Variants in GLYR1 observed in about 807,000 individuals in gnomAD.
GLYR1 encodes cytokine-like nuclear factor N-PAC.
A neutral mutation model predicts 72.7 loss-of-function variants in GLYR1; 21 were observed. That is an observed-to-expected ratio of 0.29 (90% CI 0.20 to 0.42). GLYR1 has a LOEUF of 0.42. Among genes scored for constraint, GLYR1 ranks in the 10% least tolerant of loss-of-function variants. The pLI is 1.00. For synonymous variants in GLYR1, 392 were observed against 270.2 expected, an observed-to-expected ratio of 1.45 and a Z score of -4.42; for missense variants, 594 against 712.1, an observed-to-expected ratio of 0.83 and a Z score of 1.89.
At chr16:4,815,032 A>G (rs2083550574) in intron 10 of GLYR1, among the ~76,000 whole-genome samples, 1 of 152,026 alleles carries the variant, frequency 6.6e-6, no homozygotes, top group Admixed American at 6.6e-5. Context: ...CCTGGTGGCC[A>G]TTCGTTTTTG....
At chr16:4,833,896 G>T (rs2084953956) in intron 3 of GLYR1, among the ~76,000 whole-genome samples, 1 of 152,134 alleles carries the variant, frequency 6.6e-6, no homozygotes, top group African/African-American at 2.4e-5. Context: ...GCTTTACAAG[G>T]TATCAGTTAG....
At chr16:4,827,540 G>A (rs940789836) in intron 5 of GLYR1, among the ~76,000 whole-genome samples, 2 of 151,604 alleles carry the variant, frequency 1.3e-5, no homozygotes, top group Non-Finnish European at 1.5e-5. Context: ...GACACACCTC[G>A]TTTTATTATG....
Position 4,805,341 on chromosome 16 carries a change from G to A in GLYR1, c.1588-31C>T, listed in dbSNP as rs368001972. On this transcript the variant is annotated intron_variant, in intron 15 of 15. Coordinates refer to ENST00000321919, the MANE Select transcript of GLYR1 (RefSeq NM_032569.4). ...AAAAAAAGAGATGGCTCAGTCTCTGGCCCCAGAGCTGCCTTCAAGACCTAG... is the reference window on the plus strand; with the variant it reads ...AAAAAAAGAGATGGCTCAGTCTCTGACCCCAGAGCTGCCTTCAAGACCTAG... 3.8e-6 allele frequency: 6 copies of A among 1,589,236 alleles called. No individual in the cohort carries two copies. In the African/African-American group the frequency reaches 5.4e-5, roughly 14 times the overall value.
chr16:4,818,927 G>A (rs2083826254), intron 9 of GLYR1, among the ~76,000 whole-genome samples: 1 of 152,032 alleles, frequency 6.6e-6, no homozygotes, highest in Non-Finnish European at 1.5e-5. Flanking sequence ...AGCACTCATT[G>A]GCCAGTCTCC....
intron 3 of GLYR1, chr16:4,843,971 G>A (rs537553186): frequency 1.0e-4 from 18 of 172,094 alleles, no homozygotes; most frequent in Non-Finnish European, 1.6e-4. Flanking sequence ...ACAATTAGCC[G>A]GGTGTGGTGG....
At chr16:4,816,380 C>T (rs1016599249) in intron 10 of GLYR1, among the ~76,000 whole-genome samples, 3 of 152,018 alleles carry the variant, frequency 2.0e-5, no homozygotes, top group African/African-American at 4.8e-5. Context: ...TGGACTCAAG[C>T]AATCCTCTTC....
intron 2 of GLYR1, among the ~76,000 whole-genome samples, chr16:4,845,805 G>T (rs1042991639): frequency 1.3e-5 from 2 of 152,094 alleles, no homozygotes; most frequent in African/African-American, 2.4e-5. Flanking sequence ...AACTTAGTTG[G>T]GACAAAAATA....
chr16:4,846,040 G>A lies in GLYR1; in HGVS notation c.75+134C>T, dbSNP rs59882801. On this transcript the variant is annotated intron_variant, in intron 2 of 15. Transcript: ENST00000321919. ...CTTTTAAAAAATAACCGATACTAGG[G>A]GAAAAAAAATTCTAAGTGCCATCTG... 543 of 904,134 alleles carry A rather than the reference G, an allele frequency of 6.0e-4. 1 individual carries two copies. The African/African-American group carries it at 7.8e-3, about 13-fold the overall frequency. 56.0% of individuals were successfully genotyped at this position (904,134 alleles called of 1,614,324 possible).
chr16:4,842,243 CAA>C (rs563438281), intron 3 of GLYR1, among the ~76,000 whole-genome samples: 1 of 115,940 alleles, frequency 8.6e-6, no homozygotes, highest in Admixed American at 9.0e-5. Context: ...GACTCCGTTT[CAA>C]AAAAAAAAAA....
intron 5 of GLYR1, among the ~76,000 whole-genome samples, chr16:4,826,145 T>C (rs1465332310): frequency 3.3e-5 from 5 of 152,078 alleles, no homozygotes. Flanking sequence ...CCACTTGAGC[T>C]CAAGTGATCT....
intron 2 of GLYR1, among the ~76,000 whole-genome samples, chr16:4,845,900 G>A (rs2142064138): frequency 6.6e-6 from 1 of 152,262 alleles, no homozygotes; most frequent in South Asian, 2.1e-4. Flanking sequence ...TAAGCATAAA[G>A]CTAAATTCAG....
Position 4,845,089 on chromosome 16 carries a change from A to G in GLYR1, c.140T>C (p.Phe47Ser). 6.2e-7 allele frequency: 1 copy of G among 1,613,778 alleles called. No homozygotes were observed. The highest frequency in any genetic ancestry group is 8.5e-7 in the Non-Finnish European group (1 of 1,179,660). Residue 47 changes from phenylalanine to serine, a missense_variant, in exon 3 of 16, where the codon TTT becomes TCT. Around this residue, in one of 5 missense-constraint regions of GLYR1, gnomAD observed 62 missense variants for 82.5 expected, o/e 0.75. Transcript: ENST00000321919. ...TACTACTCACTGATCTTCTGTTCCA[A>G]AAAATTTCACAAAGAAGCATTTCTT... ...RGKKCFFVKFFGTEDHAWIKV... is the reference protein window; with the variant it reads ...RGKKCFFVKFSGTEDHAWIKV...
intron 5 of GLYR1, among the ~76,000 whole-genome samples, chr16:4,827,584 T>TAA (rs745882052): frequency 6.5e-4 from 98 of 150,292 alleles, no homozygotes; most frequent in African/African-American, 2.0e-3. Context: ...GTGTTGCACT[T>TAA]AAAAAAACAA....
chr16:4,815,678 T>G (rs1238060798), intron 10 of GLYR1, among the ~76,000 whole-genome samples: 1 of 152,228 alleles, frequency 6.6e-6, no homozygotes, highest in East Asian at 1.9e-4. Context: ...CAAGCTCTCC[T>G]ATTATGCCAG....
At chr16:4,817,510 A>G in intron 10 of GLYR1, 88 bp downstream of exon 10, 2 of 786,738 alleles carry the variant, frequency 2.5e-6, no homozygotes, top group Non-Finnish European at 4.4e-6. Context: ...TATTGCACGC[A>G]GAACGCTGAG....
chr16:4,820,868 C>T (rs1054883358), intron 9 of GLYR1, among the ~76,000 whole-genome samples: 20 of 152,218 alleles, frequency 1.3e-4, no homozygotes, highest in African/African-American at 4.6e-4. Context: ...GGGCAGGGTG[C>T]AGGACAGCCA....
At chr16:4,833,747 A>C (rs1353281017) in intron 3 of GLYR1, among the ~76,000 whole-genome samples, 1 of 152,234 alleles carries the variant, frequency 6.6e-6, no homozygotes, top group Non-Finnish European at 1.5e-5. Flanking sequence ...GTAACACATG[A>C]AAGTGAAAGT....
intron 3 of GLYR1, chr16:4,839,628 A>G (rs1386310283): frequency 6.6e-6 from 1 of 152,206 alleles, no homozygotes; most frequent in African/African-American, 2.4e-5. Flanking sequence ...GAATCCGTAT[A>G]AAGAAGTCCT....
rs751901774 is a variant in GLYR1 at position 4,845,172 on chromosome 16, G to A, written c.76-19C>T. The A allele has an allele frequency of 2.1e-4, 341 of 1,600,208 alleles. 1 individual carries two copies. The highest frequency in any genetic ancestry group is 1.3e-4 in the Non-Finnish European group (153 of 1,167,484). On this transcript the variant is annotated intron_variant, in intron 2 of 15. Coordinates refer to ENST00000321919, the MANE Select transcript of GLYR1 (RefSeq NM_032569.4). ...TAACAATCTGGAGGATAAAAGGGGG[G>A]AAAAAGGTTGGCTGGCAACACAGCA...
Sources: allele counts gnomAD v4.1 joint callset (sites outside exome capture counted in the v4.1 genomes callset), GRCh38; gene constraint gnomAD v4.1.1; regional missense constraint gnomAD v4.1.1; transcripts MANE v1.5; gene names NCBI Gene and HGNC (gene_info 2026-07-23, HGNC 2026-07-21).